SLC44A3: variants seen among roughly 807,000 people sequenced by gnomAD.
SLC44A3 encodes the protein solute carrier family 44 member 3.
A neutral mutation model predicts 75.4 loss-of-function variants in SLC44A3; 74 were observed. The observed-to-expected ratio is 0.98, with a 90% CI of 0.81 to 1.19. SLC44A3 has a LOEUF of 1.19. Ranked by LOEUF, SLC44A3 falls within the 50% of genes most tolerant of loss-of-function variation. The pLI, the probability that SLC44A3 is intolerant of heterozygous loss-of-function variation, is 0.00. For missense variants in SLC44A3, 700 were observed against 778.6 expected, an observed-to-expected ratio of 0.90 and a Z score of 1.20; for synonymous variants, 310 against 296.9, an observed-to-expected ratio of 1.04 and a Z score of -0.45.
rs186665706 is a variant in SLC44A3 at position 94,847,968 on chromosome 1, C to T, written c.1072+2504C>T. ...TTTAGGCCGGGTGCAGTGGCTCACG[C>T]CTGTAATCCCAGCACTTTGGGAGGC... On this transcript the variant is annotated intron_variant, in intron 9 of 14. Transcript: ENST00000271227. 3.9e-3 allele frequency among the ~76,000 whole-genome samples: 596 copies of T among 152,192 alleles called. 19 individuals carry two copies. The highest frequency in any genetic ancestry group is 4.6e-4 in the Non-Finnish European group (31 of 68,018).
intron 9 of SLC44A3, among the ~76,000 whole-genome samples, chr1:94,854,776 CACATTT>C (rs1665661465): frequency 6.9e-6 from 1 of 144,544 alleles, no homozygotes; most frequent in Non-Finnish European, 1.5e-5. Context: ...AATGTGTGGA[CACATTT>C]TTGGGTTGTC....
chr1:94,837,751 C>A lies in SLC44A3; in HGVS notation c.550C>A (p.Pro184Thr). The change falls in exon 6 of 15, where the codon CCT (proline) becomes ACT (threonine). Residue 184 changes from proline to threonine, a missense_variant. Pro to Thr is a conservative substitution (Grantham distance 38). Coordinates refer to ENST00000271227, the MANE Select transcript of SLC44A3 (RefSeq NM_001114106.3). The part of the protein sequence containing the change: ...PLFNRCVPQT[P>T]ECYSLFASVL... ...ATTTAACCGATGTGTCCCTCAAACACCTGAGTGCTACTCCCTATTTGCATC... is the reference window on the plus strand; with the variant it reads ...ATTTAACCGATGTGTCCCTCAAACAACTGAGTGCTACTCCCTATTTGCATC... The A allele has an allele frequency of 6.2e-7, 1 of 1,604,600 alleles. No individual in the cohort carries two copies. The highest frequency in any genetic ancestry group is 8.5e-7 in the Non-Finnish European group (1 of 1,176,758).
intron 12 of SLC44A3, among the ~76,000 whole-genome samples, chr1:94,870,827 C>T (rs1472800940): frequency 2.0e-5 from 3 of 152,140 alleles, no homozygotes; most frequent in Non-Finnish European, 4.4e-5. Flanking sequence ...GGACTACAGG[C>T]ACATGCCACC....
intron 7 of SLC44A3, among the ~76,000 whole-genome samples, chr1:94,841,605 C>T (rs536433337): frequency 3.9e-5 from 6 of 152,314 alleles, no homozygotes; most frequent in African/African-American, 1.4e-4. Context: ...AATATCCAGG[C>T]TCCACAGGAG....
intron 9 of SLC44A3, among the ~76,000 whole-genome samples, chr1:94,848,242 A>G (rs1327628883): frequency 5.3e-5 from 8 of 151,532 alleles, no homozygotes; most frequent in Admixed American, 5.3e-4. Context: ...AAAAAAAAAA[A>G]ATAGGCCTCT....
intron 9 of SLC44A3, among the ~76,000 whole-genome samples, chr1:94,856,466 C>T (rs1486189951): frequency 1.3e-5 from 2 of 152,132 alleles, no homozygotes; most frequent in African/African-American, 4.8e-5. Flanking sequence ...AGAGTTTGCT[C>T]TTGAAATGAA....
At chr1:94,876,488 G>A (rs142105178) in intron 12 of SLC44A3, among the ~76,000 whole-genome samples, 3 of 152,286 alleles carry the variant, frequency 2.0e-5, no homozygotes, top group South Asian at 2.1e-4. Context: ...TTTGTCCTAC[G>A]GCATTAAGAC....
At chr1:94,827,263 C>G (rs1363133557) in intron 3 of SLC44A3, among the ~76,000 whole-genome samples, 1 of 152,158 alleles carries the variant, frequency 6.6e-6, no homozygotes, top group Non-Finnish European at 1.5e-5. Flanking sequence ...AGTGCTATCC[C>G]CTAGACAACA....
At chr1:94,824,684 C>G (rs1427297080) in intron 3 of SLC44A3, 49 bp downstream of exon 3, 1 of 1,485,242 alleles carries the variant, frequency 6.7e-7, no homozygotes, top group Non-Finnish European at 8.9e-7. Context: ...TACCTCAAAA[C>G]TTTGTATAAA....
intron 7 of SLC44A3, among the ~76,000 whole-genome samples, 177 bp from the exon 8 acceptor site, chr1:94,841,823 G>T (rs1391603139): frequency 6.6e-6 from 1 of 152,168 alleles, no homozygotes; most frequent in African/African-American, 2.4e-5. Flanking sequence ...CCCTGGCTCT[G>T]CCCAGCTTCT....
chr1:94,889,721 T>C (rs901197527), intron 12 of SLC44A3, among the ~76,000 whole-genome samples: 6 of 152,316 alleles, frequency 3.9e-5, no homozygotes, highest in African/African-American at 1.2e-4. Context: ...CACATATGTA[T>C]ATCCCAGAAT....
At chr1:94,849,304 G>A (rs192111641) in intron 9 of SLC44A3, among the ~76,000 whole-genome samples, 196 of 152,274 alleles carry the variant, frequency 1.3e-3, no homozygotes, top group African/African-American at 2.6e-3. Context: ...TGAGCAGGTC[G>A]ATTTTAGGCT....
chr1:94,858,087 C>T (rs1023515197), intron 10 of SLC44A3, among the ~76,000 whole-genome samples: 2 of 151,966 alleles, frequency 1.3e-5, no homozygotes, highest in Non-Finnish European at 2.9e-5. Context: ...GCTGGGATTA[C>T]AGGTGTGAGC....
intron 12 of SLC44A3, among the ~76,000 whole-genome samples, chr1:94,868,660 T>C (rs1317023624): frequency 6.6e-6 from 1 of 152,240 alleles, no homozygotes; most frequent in Non-Finnish European, 1.5e-5. Context: ...TTGAGATGCA[T>C]TGCAAAAATG....
At chr1:94,824,148 G>T (rs1660979000) in intron 2 of SLC44A3, among the ~76,000 whole-genome samples, 1 of 150,968 alleles carries the variant, frequency 6.6e-6, no homozygotes, top group Non-Finnish European at 1.5e-5. Context: ...GTTAAATTAA[G>T]CAAGAACATC....
chr1:94,855,803 G>A (rs1278059443), intron 9 of SLC44A3, among the ~76,000 whole-genome samples: 5 of 152,110 alleles, frequency 3.3e-5, no homozygotes, highest in African/African-American at 4.8e-5. Flanking sequence ...CCTGAATGAC[G>A]AGCCTAAAGT....
intron 7 of SLC44A3, 95 bp downstream of exon 7, chr1:94,840,132 T>C: frequency 9.2e-7 from 1 of 1,089,174 alleles, no homozygotes. Context: ...TTAAGCTACA[T>C]GGAGTCTTAA....
chr1:94,862,207 G>A (rs993198661), intron 10 of SLC44A3, among the ~76,000 whole-genome samples: 6 of 152,206 alleles, frequency 3.9e-5, no homozygotes, highest in Non-Finnish European at 8.8e-5. Flanking sequence ...GAAGAGACAT[G>A]GTCTCTACAG....
chr1:94,894,642 C>T (rs72962442), intron 14 of SLC44A3, among the ~76,000 whole-genome samples, 176 bp from the exon 15 acceptor site: 4 of 152,160 alleles, frequency 2.6e-5, no homozygotes, highest in African/African-American at 9.7e-5. Context: ...CATTTAGACA[C>T]TCACTGTGAT....
Sources: gnomAD v4.1 joint callset for allele counts (sites outside exome capture counted in the v4.1 genomes callset) on GRCh38, gnomAD v4.1.1 for gene constraint, MANE v1.5 for transcripts, NCBI Gene and HGNC (gene_info 2026-07-23, HGNC 2026-07-21) for gene names.